Variants in CDK5RAP2 observed in about 807,000 individuals in gnomAD.
CDK5RAP2 encodes CDK5 regulatory subunit associated protein 2.
A neutral mutation model predicts 232.9 loss-of-function variants in CDK5RAP2; 147 were observed. That is an observed-to-expected ratio of 0.63 (90% CI 0.55 to 0.72). CDK5RAP2 has a LOEUF of 0.72. CDK5RAP2 is among the 30% of genes least tolerant of loss of function. The pLI is 0.00. For synonymous variants in CDK5RAP2, 833 were observed against 833.7 expected (o/e 1.00, Z 0.01); for missense variants, 2,195 against 2,231.5 (o/e 0.98, Z 0.33).
At chr9:120,510,358 T>C (rs1480303815) in intron 12 of CDK5RAP2, among the ~76,000 whole-genome samples, 1 of 152,062 alleles carries the variant, frequency 6.6e-6, no homozygotes, top group Non-Finnish European at 1.5e-5. Flanking sequence ...GGATGACGGG[T>C]CTCATAACAG....
At chr9:120,564,111 G>A (rs2042557246) in intron 3 of CDK5RAP2, among the ~76,000 whole-genome samples, 1 of 152,150 alleles carries the variant, frequency 6.6e-6, no homozygotes. Context: ...TTTATTGCAT[G>A]TAAGTTATGC....
At chr9:120,518,200 T>A (rs1564327473) in intron 12 of CDK5RAP2, among the ~76,000 whole-genome samples, 8 of 104,724 alleles carry the variant, frequency 7.6e-5, no homozygotes, top group African/African-American at 3.3e-4. Flanking sequence ...TGTGTGTGTG[T>A]GTGTGTGTGT....
At chr9:120,490,945 G>A (rs2038870895) in intron 13 of CDK5RAP2, among the ~76,000 whole-genome samples, 2 of 152,206 alleles carry the variant, frequency 1.3e-5, no homozygotes, top group South Asian at 4.1e-4. Flanking sequence ...AAAAGGAACA[G>A]TTAGAGAAAA....
intron 12 of CDK5RAP2, among the ~76,000 whole-genome samples, chr9:120,496,382 G>T (rs2039239531): frequency 2.1e-5 from 3 of 142,714 alleles, no homozygotes; most frequent in Non-Finnish European, 4.8e-5. Flanking sequence ...AGGGAGGTGG[G>T]GGGGGGGTCA....
chr9:120,556,308 G>A (rs1268276464), intron 3 of CDK5RAP2, among the ~76,000 whole-genome samples: 1 of 151,858 alleles, frequency 6.6e-6, no homozygotes, highest in Non-Finnish European at 1.5e-5. Flanking sequence ...AATGAAATAG[G>A]GCAAAATGTG....
chr9:120,477,244 T>C lies in CDK5RAP2; in HGVS notation c.1727+106A>G, dbSNP rs542237349. 3.5e-5 allele frequency: 32 copies of C among 902,810 alleles called. No individual in the cohort carries two copies. In the East Asian group the frequency reaches 6.0e-4, roughly 17 times the overall value. 55.9% of individuals were successfully genotyped at this position (902,810 alleles called of 1,614,324 possible). A position where few individuals can be genotyped will look rare whatever the true frequency, so the allele number is the denominator to read the frequency against. On this transcript the variant is annotated intron_variant, in intron 15 of 37. Coordinates refer to ENST00000349780, the MANE Select transcript of CDK5RAP2 (RefSeq NM_018249.6). ...GCTCCATAAGCAAACTGGCAGGGCT[T>C]TGCTGCCTTAGAGATCAGCACTGAT...
At chr9:120,526,290 CT>C (rs1468092928) in intron 10 of CDK5RAP2, among the ~76,000 whole-genome samples, 1 of 152,148 alleles carries the variant, frequency 6.6e-6, no homozygotes, top group Non-Finnish European at 1.5e-5. Flanking sequence ...AAAGTCACCA[CT>C]TTTTAAACAG....
chr9:120,510,744 T>C lies in CDK5RAP2; in HGVS notation c.1311+7683A>G, dbSNP rs10465138. On this transcript the variant is annotated intron_variant, in intron 12 of 37. Coordinates refer to ENST00000349780, the MANE Select transcript of CDK5RAP2 (RefSeq NM_018249.6). ...AGGGCATAGACTTGGGAACACTGGGTTTTTTGTTTGTTTTTGCAAAGGTCT... is the reference window on the plus strand; with the variant it reads ...AGGGCATAGACTTGGGAACACTGGGCTTTTTGTTTGTTTTTGCAAAGGTCT... 2.8e-3 allele frequency among the ~76,000 whole-genome samples: 429 copies of C among 152,180 alleles called. 1 individual carries two copies. The highest frequency in any genetic ancestry group is 0.011 in the East Asian group (58 of 5,170).
intron 23 of CDK5RAP2, among the ~76,000 whole-genome samples, chr9:120,441,852 C>T (rs1406939110): frequency 6.6e-6 from 1 of 152,124 alleles, no homozygotes; most frequent in African/African-American, 2.4e-5. Context: ...GGGTGCAGAC[C>T]GTGTCATCCA....
At chr9:120,480,829 C>T (rs1431715304) in intron 14 of CDK5RAP2, among the ~76,000 whole-genome samples, 1 of 152,218 alleles carries the variant, frequency 6.6e-6, no homozygotes, top group African/African-American at 2.4e-5. Flanking sequence ...AACCACCAGT[C>T]TGGTCATGAT....
chr9:120,517,912 T>C (rs998954127), intron 12 of CDK5RAP2: 2 of 301,256 alleles, frequency 6.6e-6, no homozygotes, highest in South Asian at 3.0e-5. Flanking sequence ...CAACAAAGAA[T>C]CAGTGGATAA....
intron 3 of CDK5RAP2, among the ~76,000 whole-genome samples, chr9:120,562,758 T>C (rs764556411): frequency 6.6e-6 from 1 of 152,006 alleles, no homozygotes; most frequent in Non-Finnish European, 1.5e-5. Flanking sequence ...GCCACTTTAG[T>C]AACAATAACC....
intron 12 of CDK5RAP2, among the ~76,000 whole-genome samples, chr9:120,494,740 T>C (rs532634269): frequency 1.3e-5 from 2 of 150,654 alleles, no homozygotes; most frequent in Admixed American, 1.3e-4. Flanking sequence ...TAATAACTGT[T>C]GCAGGTAAGA....
intron 1 of CDK5RAP2, among the ~76,000 whole-genome samples, chr9:120,572,883 C>T (rs1322628227): frequency 2.0e-5 from 3 of 152,196 alleles, no homozygotes; most frequent in Non-Finnish European, 4.4e-5. Flanking sequence ...AAAGATTTAC[C>T]ATCATTAGAA....
intron 32 of CDK5RAP2, among the ~76,000 whole-genome samples, chr9:120,404,684 T>C (rs148668887): frequency 3.9e-5 from 6 of 152,276 alleles, no homozygotes; most frequent in Non-Finnish European, 8.8e-5. Context: ...TCAAGGGCTT[T>C]GGGCAAGGCA....
At chr9:120,460,034 G>C (rs1241138567) in intron 19 of CDK5RAP2, among the ~76,000 whole-genome samples, 1 of 152,108 alleles carries the variant, frequency 6.6e-6, no homozygotes, top group African/African-American at 2.4e-5. Flanking sequence ...GTGTACGGGG[G>C]TGAGATTCTC....
At chr9:120,535,590 A>G (rs1300958783) in intron 7 of CDK5RAP2, among the ~76,000 whole-genome samples, 3 of 152,244 alleles carry the variant, frequency 2.0e-5, no homozygotes, top group Non-Finnish European at 4.4e-5. Flanking sequence ...AGTTGGACTT[A>G]TATTTAGTTA....
intron 7 of CDK5RAP2, among the ~76,000 whole-genome samples, chr9:120,531,215 C>A (rs1489030493): frequency 1.3e-5 from 2 of 151,994 alleles, no homozygotes; most frequent in Non-Finnish European, 2.9e-5. Context: ...TGCCTCTACA[C>A]CTTTGCTCGT....
At chr9:120,530,863 G>T (rs1320125739) in intron 7 of CDK5RAP2, among the ~76,000 whole-genome samples, 6 of 67,922 alleles carry the variant, frequency 8.8e-5, no homozygotes, top group Non-Finnish European at 5.8e-5. Context: ...GTTGTGGGGT[G>T]GGGGGAGGGG....
Sources: gnomAD v4.1 joint callset for allele counts (sites outside exome capture counted in the v4.1 genomes callset) on GRCh38, gnomAD v4.1.1 for gene constraint, MANE v1.5 for transcripts, NCBI Gene and HGNC (gene_info 2026-07-23, HGNC 2026-07-21) for gene names.